OVCA2: variants seen among roughly 807,000 people sequenced by gnomAD.
OVCA2 encodes OVCA2 serine hydrolase domain containing, also known as esterase OVCA2.
OVCA2 carries 14 observed loss-of-function variants against 10.1 expected under a neutral mutation model. The ratio of observed to expected loss-of-function variants is 1.39; its 90% CI spans 0.92 to 2.17. The LOEUF is 2.17. Ranked by LOEUF, OVCA2 falls within the 30% of genes most tolerant of loss-of-function variation. The probability of loss-of-function intolerance (pLI) is 0.00; values close to 1 mark genes in which losing one functional copy is unlikely to be tolerated. For missense variants in OVCA2, 376 were observed against 300.5 expected, an observed-to-expected ratio of 1.25 and a Z score of -1.86; for synonymous variants, 201 against 134.1, an observed-to-expected ratio of 1.50 and a Z score of -3.45.
Position 2,042,156 on chromosome 17 carries a change from G to A in OVCA2, c.109G>A (p.Ala37Thr), listed in dbSNP as rs1431890879. Residue 37 changes from alanine (A) to threonine (T), a missense_variant, in exon 1 of 2, where the codon GCC becomes ACC. Coordinates refer to ENST00000572195, the MANE Select transcript of OVCA2 (RefSeq NM_080822.3). ...GCTGAGGAAGGCGCTGCGGGGTCGC[G>A]CCGAGCTCGTGTGCCTCAGCGGCCC... ...GALRKALRGRAELVCLSGPHP... is the reference protein window; with the variant it reads ...GALRKALRGRTELVCLSGPHP... The A allele has an allele frequency of 6.6e-7, 1 of 1,505,680 alleles. No individual in the cohort carries two copies. 93.3% of individuals were successfully genotyped at this position (1,505,680 alleles called of 1,614,324 possible).
In OVCA2 at chr17:2,042,135, AGGAAGGCGCTGC is replaced by A. The variant is rs1197251213; in HGVS notation, c.91_102del (p.Lys31_Arg34del). 2 of 1,549,780 alleles carry A rather than the reference AGGAAGGCGCTGC, an allele frequency of 1.3e-6. No individual in the cohort carries two copies. Among genetic ancestry groups the A allele is most frequent in the Non-Finnish European group, 1.7e-6 (2 of 1,157,590 alleles). ...CTTCCGTGAGAAGACCGGGGCGCTGAGGAAGGCGCTGCGGGGTCGCGCCGAGCTCGTGTGCCT... is the reference window on the plus strand; with the variant it reads ...CTTCCGTGAGAAGACCGGGGCGCTGAGGGGTCGCGCCGAGCTCGTGTGCCT... On this transcript the variant is annotated inframe_deletion, in exon 1 of 2. Coordinates refer to ENST00000572195, the MANE Select transcript of OVCA2 (RefSeq NM_080822.3).
rs758702947 is a variant in OVCA2 at position 2,042,196 on chromosome 17, A to AC, written c.155dup (p.Glu55ArgfsTer59). On this transcript the variant is annotated frameshift_variant, in exon 1 of 2. Transcript: ENST00000572195. LOFTEE classifies it low-confidence loss of function (END_TRUNC). Reference sequence around the variant, plus strand: ...CTCAGCGGCCCGCACCCGGTCCCCGACCCCCCGGGCCCCGAGGGCGCCAGA... The same window carrying AC: ...CTCAGCGGCCCGCACCCGGTCCCCGACCCCCCCGGGCCCCGAGGGCGCCAGA... 30 of 1,413,828 alleles carry AC rather than the reference A, an allele frequency of 2.1e-5. No individual in the cohort carries two copies. The highest frequency in any genetic ancestry group is 2.8e-5 in the Non-Finnish European group (30 of 1,090,144). The allele number at this position is 1,413,828 out of a possible 1,614,324, so 87.6% of individuals were successfully genotyped here. A position where few individuals can be genotyped will look rare whatever the true frequency, so the allele number is the denominator to read the frequency against.
In OVCA2 at chr17:2,042,210, G is replaced by C; in HGVS notation, c.163G>C (p.Glu55Gln). The change falls in exon 1 of 2, where the codon GAG becomes CAG. Residue 55 changes from glutamate to glutamine, a missense_variant. Coordinates refer to ENST00000572195, the MANE Select transcript of OVCA2 (RefSeq NM_080822.3). ...PHPVPDPPGP[E>Q]GARSDFGSCP... Reference sequence around the variant, plus strand: ...CCCGGTCCCCGACCCCCCGGGCCCCGAGGGCGCCAGATCAGACTTCGGTGA... The same window carrying C: ...CCCGGTCCCCGACCCCCCGGGCCCCCAGGGCGCCAGATCAGACTTCGGTGA... 1 of 1,431,382 alleles carries C rather than the reference G, an allele frequency of 7.0e-7. No homozygotes were observed. The highest frequency in any genetic ancestry group is 9.1e-7 in the Non-Finnish European group (1 of 1,100,126). The allele number at this position is 1,431,382 out of a possible 1,614,324, so 88.7% of individuals were successfully genotyped here.
rs1363088691 is a variant in OVCA2, at chr17:2,042,839, C to T, written c.419C>T (p.Pro140Leu). 2 of 1,614,174 alleles carry T rather than the reference C, an allele frequency of 1.2e-6. No homozygotes were observed. Among genetic ancestry groups the T allele is most frequent in the South Asian group, 2.2e-5 (2 of 91,088 alleles). The change falls in exon 2 of 2, where the codon CCC becomes CTC. Residue 140 changes from proline (P) to leucine (L), a missense_variant. Coordinates refer to ENST00000572195, the MANE Select transcript of OVCA2 (RefSeq NM_080822.3). Reference protein sequence around the residue: ...ALGQAGDPRFPLPRFILLVSG... With the variant: ...ALGQAGDPRFLLPRFILLVSG... The stretch of plus-strand genomic sequence containing the variant: ...GGCCAGGCAGGCGATCCCCGCTTCC[C>T]CTTGCCACGGTTTATCCTCTTGGTG...
Position 2,042,658 on chromosome 17 carries a change from G to GCCGACGTTTTCTCCGCATTGGAAGAGC in OVCA2, c.242_268dup (p.Asp81_Pro89dup). 18 of 1,524,660 alleles carry GCCGACGTTTTCTCCGCATTGGAAGAGC rather than the reference G, an allele frequency of 1.2e-5. No homozygotes were observed. The highest frequency in any genetic ancestry group is 1.6e-5 in the Non-Finnish European group (18 of 1,139,882). 94.4% of individuals were successfully genotyped at this position (1,524,660 alleles called of 1,614,324 possible). On this transcript the variant is annotated inframe_insertion, in exon 2 of 2. Coordinates refer to ENST00000572195, the MANE Select transcript of OVCA2 (RefSeq NM_080822.3). ...AGGCTGGTGGTTTTCAGAGCAGGAG[G>GCCGACGTTTTCTCCGCATTGGAAGAGC]CCGACGTTTTCTCCGCATTGGAAGA...
rs928526393 is a variant in OVCA2, at chr17:2,043,026, C to T, written c.606C>T (p.His202=). ...SQFPGAITLT[H]SGGHFIPAAA... ...TTCCCGGAGCCATCACCCTCACCCA[C>T]TCTGGTGGCCACTTCATTCCAGCAG... Residue 202 remains histidine (H), a synonymous_variant, in exon 2 of 2, where the codon CAC becomes CAT. Coordinates refer to ENST00000572195, the MANE Select transcript of OVCA2 (RefSeq NM_080822.3). 5.6e-6 allele frequency: 9 copies of T among 1,613,970 alleles called. No homozygotes were observed. The highest frequency in any genetic ancestry group is 2.7e-5 in the African/African-American group (2 of 74,946).
In OVCA2 at chr17:2,042,622, G is replaced by C. The variant is rs552122556; in HGVS notation, c.202G>C (p.Glu68Gln). ...RSDFGSCPPE[E>Q]QPRGWWFSEQ... ...CGCTGTAGGGTCCTGCCCTCCGGAGGAGCAGCCTCGAGGCTGGTGGTTTTC... is the reference window on the plus strand; with the variant it reads ...CGCTGTAGGGTCCTGCCCTCCGGAGCAGCAGCCTCGAGGCTGGTGGTTTTC... Residue 68 changes from glutamate (E) to glutamine (Q), a missense_variant, in exon 2 of 2, where the codon GAG (glutamate) becomes CAG (glutamine). Glu to Gln is a conservative substitution (Grantham distance 29). Transcript: ENST00000572195. 38 of 1,519,240 alleles carry C rather than the reference G, an allele frequency of 2.5e-5. No individual in the cohort carries two copies. The South Asian group carries it at 3.5e-4, about 14-fold the overall frequency. The allele number at this position is 1,519,240 out of a possible 1,614,324, so 94.1% of individuals were successfully genotyped here. A position where few individuals can be genotyped will look rare whatever the true frequency, so the allele number is the denominator to read the frequency against.
At chr17:2,042,571 C>G in intron 1 of OVCA2, 34 bp from the exon 2 acceptor site, 1 of 1,507,460 alleles carries the variant, frequency 6.6e-7, no homozygotes, top group Non-Finnish European at 8.8e-7. Context: ...CCTCCCATGC[C>G]CTAATCCCAT....
At chr17:2,042,471 C>T (rs1242701577) in intron 1 of OVCA2, 134 bp from the exon 2 acceptor site, 98 of 1,358,788 alleles carry the variant, frequency 7.2e-5, no homozygotes, top group Non-Finnish European at 8.9e-5. Flanking sequence ...TTTCCCCCCT[C>T]TCATTTCCCC....
intron 1 of OVCA2, 89 bp from the exon 2 acceptor site, chr17:2,042,516 C>T (rs950950274): frequency 7.6e-6 from 11 of 1,455,462 alleles, no homozygotes; most frequent in Admixed American, 2.6e-5. Context: ...TTCTCTCTGT[C>T]ATCTCGAACC....
chr17:2,042,770 G>C lies in OVCA2; in HGVS notation c.350G>C (p.Gly117Ala), dbSNP rs1296903159. 1 of 1,609,304 alleles carries C rather than the reference G, an allele frequency of 6.2e-7. No individual in the cohort carries two copies. Among genetic ancestry groups the C allele is most frequent in the Non-Finnish European group, 8.5e-7 (1 of 1,178,120 alleles). ...CTGGGGCCTTTTGACGGCCTTCTTG[G>C]TTTCAGCCAAGGGGCTGCGCTAGCA... ...NRLGPFDGLL[G>A]FSQGAALAAL... Residue 117 changes from glycine (G) to alanine (A), a missense_variant, in exon 2 of 2, where the codon GGT (glycine) becomes GCT (alanine). By Grantham distance (60) the Gly-to-Ala change is moderately conservative. Coordinates refer to ENST00000572195, the MANE Select transcript of OVCA2 (RefSeq NM_080822.3).
rs1180371790 is a variant in OVCA2, at chr17:2,042,993, C to T, written c.573C>T (p.Ala191=). The T allele has an allele frequency of 3.1e-6, 5 of 1,613,864 alleles. No homozygotes were observed. The highest frequency in any genetic ancestry group is 4.2e-6 in the Non-Finnish European group (5 of 1,179,930). The part of the protein sequence containing the change: ...VIPSQESVQL[A]SQFPGAITLT... ...CCTCTCAGGAGAGTGTGCAACTGGCCAGCCAATTTCCCGGAGCCATCACCC... is the reference window on the plus strand; with the variant it reads ...CCTCTCAGGAGAGTGTGCAACTGGCTAGCCAATTTCCCGGAGCCATCACCC... Residue 191 remains alanine (A), a synonymous_variant, in exon 2 of 2, where the codon GCC becomes GCT. Coordinates refer to ENST00000572195, the MANE Select transcript of OVCA2 (RefSeq NM_080822.3).
Position 2,042,641 on chromosome 17 carries a change from G to A in OVCA2, c.221G>A (p.Trp74Ter), listed in dbSNP as rs747266426. The A allele has an allele frequency of 6.6e-7, 1 of 1,521,508 alleles. No homozygotes were observed. The highest frequency in any genetic ancestry group is 2.3e-5 in the Admixed American group (1 of 44,202). 94.3% of individuals were successfully genotyped at this position (1,521,508 alleles called of 1,614,324 possible). A position where few individuals can be genotyped will look rare whatever the true frequency, so the allele number is the denominator to read the frequency against. The change falls in exon 2 of 2, where the codon TGG becomes TAG. Residue 74 changes from tryptophan to a stop codon, truncating the protein, a stop_gained. Coordinates refer to ENST00000572195, the MANE Select transcript of OVCA2 (RefSeq NM_080822.3). LOFTEE classifies it high-confidence loss of function. ...CPPEEQPRGWWFSEQEADVFS... is the reference protein window; with the variant it reads ...CPPEEQPRGW ...CCGGAGGAGCAGCCTCGAGGCTGGT[G>A]GTTTTCAGAGCAGGAGGCCGACGTT...
At chr17:2,042,439 C>G in intron 1 of OVCA2, 166 bp from the exon 2 acceptor site, 2 of 1,267,752 alleles carry the variant, frequency 1.6e-6, no homozygotes, top group Non-Finnish European at 2.1e-6. Context: ...TCCGCTGTCT[C>G]CTGTTCAGGC....
At position 2,042,979 on chromosome 17, in the gene OVCA2, A is replaced by T. The variant is rs771958531; in HGVS notation, c.559A>T (p.Ser187Cys). The part of the protein sequence containing the change: ...DTDKVIPSQE[S>C]VQLASQFPGA... ...TGACAAAGTCATCCCCTCTCAGGAG[A>T]GTGTGCAACTGGCCAGCCAATTTCC... is the stretch of plus-strand genomic sequence containing the variant. The change falls in exon 2 of 2, where the codon AGT (serine) becomes TGT (cysteine). Residue 187 changes from serine to cysteine, a missense_variant. Physicochemically the swap from Ser to Cys is moderately radical, Grantham distance 112 (BLOSUM62 -1). Transcript: ENST00000572195. 1.8e-5 allele frequency: 29 copies of T among 1,614,030 alleles called. No homozygotes were observed. Among genetic ancestry groups the T allele is most frequent in the South Asian group, 1.6e-4 (15 of 91,084 alleles).
chr17:2,042,704 T>A lies in OVCA2; in HGVS notation c.284T>A (p.Leu95Gln), dbSNP rs142574497. 5.5e-5 allele frequency: 86 copies of A among 1,551,616 alleles called. No individual in the cohort carries two copies. The highest frequency in any genetic ancestry group is 3.5e-4 in the Middle Eastern group (2 of 5,754). ...GAAGAGCCCGCCGTCTGCAGGGGCC[T>A]GGAGGAATCACTGGGGATGGTGGCA... ...ALEEPAVCRG[L>Q]EESLGMVAQA... The change falls in exon 2 of 2, where the codon CTG becomes CAG. Residue 95 changes from leucine to glutamine, a missense_variant. Transcript: ENST00000572195.
Position 2,042,045 on chromosome 17 carries a change from A to G in OVCA2, c.-3A>G, listed in dbSNP as rs773621026. The G allele has an allele frequency of 3.9e-6, 6 of 1,522,160 alleles. No homozygotes were observed. Among genetic ancestry groups the G allele is most frequent in the African/African-American group, 2.8e-5 (2 of 71,518 alleles). The allele number at this position is 1,522,160 out of a possible 1,614,324, so 94.3% of individuals were successfully genotyped here. On this transcript the variant is annotated 5_prime_UTR_variant, in exon 1 of 2. Transcript: ENST00000572195. Reference sequence around the variant, plus strand: ...GTGCTTCCGTCGCTCCTTGCCGGGCATAATGGCCGCGCAGCGACCCCTGCG... The same window carrying G: ...GTGCTTCCGTCGCTCCTTGCCGGGCGTAATGGCCGCGCAGCGACCCCTGCG...
Position 2,042,610 on chromosome 17 carries a change from T to C in OVCA2, c.190T>C (p.Cys64Arg), listed in dbSNP as rs748610578. 6.6e-7 allele frequency: 1 copy of C among 1,519,530 alleles called. No individual in the cohort carries two copies. The highest frequency in any genetic ancestry group is 2.3e-5 in the Admixed American group (1 of 44,084). The allele number at this position is 1,519,530 out of a possible 1,614,324, so 94.1% of individuals were successfully genotyped here. Residue 64 changes from cysteine (C) to arginine (R), a missense_variant, in exon 2 of 2, where the codon TGC becomes CGC. Transcript: ENST00000572195. ...PEGARSDFGSCPPEEQPRGWW... is the reference protein window; with the variant it reads ...PEGARSDFGSRPPEEQPRGWW... ...TTTTCCTCATATCGCTGTAGGGTCC[T>C]GCCCTCCGGAGGAGCAGCCTCGAGG...
Position 2,043,328 on chromosome 17 carries a change from C to T in OVCA2, c.*224C>T. 1 of 561,972 alleles carries T rather than the reference C, an allele frequency of 1.8e-6. No homozygotes were observed. Among genetic ancestry groups the T allele is most frequent in the Non-Finnish European group, 3.0e-6 (1 of 327,910 alleles). The allele number at this position is 561,972 out of a possible 1,614,324, so 34.8% of individuals were successfully genotyped here. ...GGACATTGACTTGTGAAAACGCAAA[C>T]ATGAATATGGTTGGAGAGCCCTGGA... is the stretch of plus-strand genomic sequence containing the variant. On this transcript the variant is annotated 3_prime_UTR_variant, in exon 2 of 2. Coordinates refer to ENST00000572195, the MANE Select transcript of OVCA2 (RefSeq NM_080822.3).
Sources: gnomAD v4.1 joint callset for allele counts on GRCh38, gnomAD v4.1.1 for gene constraint, MANE v1.5 for transcripts, NCBI Gene and HGNC (gene_info 2026-07-23, HGNC 2026-07-21) for gene names.